The following STRBP variants were observed in gnomAD, a reference collection of about 807,000 sequenced individuals.
The protein encoded by STRBP is spermatid perinuclear RNA binding protein.
Under a neutral mutation model 80.1 loss-of-function variants are expected in STRBP, and 13 were observed. The ratio of observed to expected loss-of-function variants is 0.16; its 90% confidence interval spans 0.11 to 0.26. The LOEUF is 0.26. Ranked by LOEUF, STRBP falls within the 10% of genes least tolerant of loss-of-function variation. The pLI, the probability that STRBP is intolerant of heterozygous loss-of-function variation, is 1.00. For missense variants in STRBP, 485 were observed against 815.2 expected, an observed-to-expected ratio of 0.59 and a Z score of 4.93; for synonymous variants, 284 against 291.2, an observed-to-expected ratio of 0.98 and a Z score of 0.25.
rs1588440433 is a variant in STRBP, at chr9:123,123,439, T to C, written c.*2158A>G. 3.0e-6 allele frequency: 3 copies of C among 984,980 alleles called. No homozygotes were observed. The highest frequency in any genetic ancestry group is 2.3e-4 in the East Asian group (2 of 8,788). 61.0% of individuals were successfully genotyped at this position (984,980 alleles called of 1,614,324 possible). On this transcript the variant is annotated 3_prime_UTR_variant, in exon 19 of 19. Transcript: ENST00000348403. ...CCACTTCTAACAAAGGACTGACAGC[T>C]CGATTATTTTAAGTAAAGCAGAGAA...
intron 14 of STRBP, among the ~76,000 whole-genome samples, chr9:123,138,731 G>C (rs948687542): frequency 6.6e-6 from 1 of 152,052 alleles, no homozygotes; most frequent in African/African-American, 2.4e-5. Context: ...TTTTAGCCTG[G>C]GAGCATCTCC....
At chr9:123,263,592 C>T (rs904213194) in intron 1 of STRBP, among the ~76,000 whole-genome samples, 2 of 150,544 alleles carry the variant, frequency 1.3e-5, no homozygotes, top group African/African-American at 4.9e-5. Flanking sequence ...ATGACCAACA[C>T]CTGGAAGGCT....
chr9:123,257,174 G>A (rs971681009), intron 1 of STRBP, among the ~76,000 whole-genome samples: 7 of 152,008 alleles, frequency 4.6e-5, no homozygotes, highest in African/African-American at 1.7e-4. Flanking sequence ...TCAACAAAAT[G>A]AACCACTTAT....
intron 17 of STRBP, among the ~76,000 whole-genome samples, chr9:123,129,140 T>C (rs554752312): frequency 6.6e-6 from 1 of 152,246 alleles, no homozygotes; most frequent in African/African-American, 2.4e-5. Flanking sequence ...GAGGACTGCT[T>C]GAACCCAGGA....
chr9:123,167,317 A>G (rs1337546802), intron 6 of STRBP, among the ~76,000 whole-genome samples: 1 of 152,130 alleles, frequency 6.6e-6, no homozygotes. Flanking sequence ...AAAAGTATAA[A>G]TTAGGAGAAA....
intron 11 of STRBP, among the ~76,000 whole-genome samples, chr9:123,148,097 T>G (rs752326863): frequency 2.2e-4 from 33 of 152,312 alleles, no homozygotes; most frequent in Middle Eastern, 3.4e-3. Flanking sequence ...TTTTTCCCAT[T>G]TATTCATATA....
chr9:123,248,300 C>T (rs1211629773), intron 1 of STRBP, among the ~76,000 whole-genome samples: 2 of 135,886 alleles, frequency 1.5e-5, no homozygotes, highest in Non-Finnish European at 3.1e-5. Context: ...TGGAGTCTCA[C>T]CCTATTGCCC....
intron 1 of STRBP, among the ~76,000 whole-genome samples, chr9:123,256,270 G>C (rs1588160823): frequency 1.3e-5 from 2 of 151,678 alleles, no homozygotes; most frequent in East Asian, 3.9e-4. Context: ...CCTCCGCCTT[G>C]GTGTCCCAAA....
chr9:123,203,011 C>T (rs1436339274), intron 2 of STRBP, among the ~76,000 whole-genome samples: 3 of 152,076 alleles, frequency 2.0e-5, no homozygotes, highest in African/African-American at 7.2e-5. Context: ...GAAAATAAAC[C>T]CTTCCCCAGA....
intron 2 of STRBP, among the ~76,000 whole-genome samples, chr9:123,216,229 AGTTTTGCCCTAT>A: frequency 6.6e-6 from 1 of 152,132 alleles, no homozygotes; most frequent in Non-Finnish European, 1.5e-5. Flanking sequence ...ACACTGCACT[AGTTTTGCCCTAT>A]GTTTTACCAC....
chr9:123,124,480 T>C lies in STRBP; in HGVS notation c.*1117A>G, dbSNP rs922523599. 27 of 985,346 alleles carry C rather than the reference T, an allele frequency of 2.7e-5. No homozygotes were observed. The highest frequency in any genetic ancestry group is 3.1e-5 in the Non-Finnish European group (26 of 829,976). The allele number at this position is 985,346 out of a possible 1,614,324, so 61.0% of individuals were successfully genotyped here. ...TGTCTTAAAAAGAAATGCTGACCCA[T>C]GGCTGAAACCTGTCACTTTTCACAG... is the stretch of plus-strand genomic sequence containing the variant. On this transcript the variant is annotated 3_prime_UTR_variant, in exon 19 of 19. Coordinates refer to ENST00000348403, the MANE Select transcript of STRBP (RefSeq NM_018387.5).
intron 1 of STRBP, among the ~76,000 whole-genome samples, chr9:123,238,994 T>C (rs900498538): frequency 6.6e-6 from 1 of 152,226 alleles, no homozygotes; most frequent in African/African-American, 2.4e-5. Flanking sequence ...TTTTAAGTTA[T>C]TATTAAAGAT....
At chr9:123,150,466 C>CT (rs2037006333) in intron 11 of STRBP, among the ~76,000 whole-genome samples, 1 of 152,122 alleles carries the variant, frequency 6.6e-6, no homozygotes, top group Non-Finnish European at 1.5e-5. Context: ...ACTCAGAAGG[C>CT]TGAGGCAGGA....
intron 1 of STRBP, among the ~76,000 whole-genome samples, chr9:123,246,223 T>A (rs2132618386): frequency 6.6e-6 from 1 of 152,280 alleles, no homozygotes; most frequent in African/African-American, 2.4e-5. Flanking sequence ...CATGAAACAT[T>A]TCGAATGAAG....
chr9:123,172,817 GAT>G (rs1333557850), intron 5 of STRBP, among the ~76,000 whole-genome samples: 2 of 151,898 alleles, frequency 1.3e-5, no homozygotes, highest in Non-Finnish European at 2.9e-5. Context: ...CCTTTTAAAA[GAT>G]ATACAAATAA....
rs779776435 is a variant in STRBP, at chr9:123,115,934, A to C, written c.*79T>G. 2.2e-6 allele frequency: 1 copy of C among 444,934 alleles called. No homozygotes were observed. Among genetic ancestry groups the C allele is most frequent in the Non-Finnish European group, 4.5e-6 (1 of 222,194 alleles). The allele number at this position is 444,934 out of a possible 1,614,324, so 27.6% of individuals were successfully genotyped here. Reference sequence around the variant, plus strand: ...ATATAATCCCTTAAAAATACCTGGCAGGAGTGCCCACGTTCTCTCCAGGTC... The same window carrying C: ...ATATAATCCCTTAAAAATACCTGGCCGGAGTGCCCACGTTCTCTCCAGGTC... On this transcript the variant is annotated 3_prime_UTR_variant and NMD_transcript_variant, in exon 3 of 4. Coordinates refer to the STRBP transcript ENST00000471564. This position sits in a 1 kb window ranked among gnomAD's most constrained non-coding sequence, Gnocchi z 5.0.
intron 1 of STRBP, among the ~76,000 whole-genome samples, chr9:123,253,107 A>G (rs781146129): frequency 6.6e-6 from 1 of 152,230 alleles, no homozygotes; most frequent in Non-Finnish European, 1.5e-5. Context: ...TGGGAAATCA[A>G]TCAAGTTCCA....
chr9:123,251,565 C>T (rs2040918343), intron 1 of STRBP, among the ~76,000 whole-genome samples: 1 of 152,180 alleles, frequency 6.6e-6, no homozygotes, highest in Admixed American at 6.5e-5. Flanking sequence ...GAGTGAGTCA[C>T]AACTTCTCTC....
intron 6 of STRBP, among the ~76,000 whole-genome samples, chr9:123,165,444 C>T (rs1030931107): frequency 2.0e-5 from 3 of 152,114 alleles, no homozygotes; most frequent in East Asian, 1.9e-4. Flanking sequence ...CCAAGAAGGG[C>T]GAGTTCACAC....
Sources: gnomAD v4.1 joint callset for allele counts (sites outside exome capture counted in the v4.1 genomes callset) on GRCh38, gnomAD v4.1.1 for gene constraint, Gnocchi (gnomAD v3.1) non-coding constraint, MANE v1.5 for transcripts, NCBI Gene and HGNC (gene_info 2026-07-23, HGNC 2026-07-21) for gene names.